DLG2: variants seen among roughly 807,000 people sequenced by gnomAD.
The protein encoded by DLG2 is discs large MAGUK scaffold protein 2.
Under a neutral mutation model 132.5 loss-of-function variants are expected in DLG2, and 45 were observed. The ratio of observed to expected loss-of-function variants is 0.34; its 90% confidence interval spans 0.27 to 0.44. The LOEUF is 0.44. DLG2 is among the 20% of genes least tolerant of loss of function. DLG2 has a pLI of 1.00. For synonymous variants in DLG2, 424 were observed against 419.6 expected, an observed-to-expected ratio of 1.01 and a Z score of -0.13; for missense variants, 1,045 against 1,196.9, an observed-to-expected ratio of 0.87 and a Z score of 1.87.
intron 7 of DLG2, among the ~76,000 whole-genome samples, chr11:84,426,985 A>C (rs1458988692): frequency 6.6e-6 from 1 of 152,186 alleles, no homozygotes; most frequent in Non-Finnish European, 1.5e-5. Flanking sequence ...TCATTATACT[A>C]ACAATTCCAA....
At chr11:84,730,326 A>G (rs987379243) in intron 6 of DLG2, among the ~76,000 whole-genome samples, 9 of 152,096 alleles carry the variant, frequency 5.9e-5, no homozygotes, top group Non-Finnish European at 1.2e-4. Context: ...AGAATTAACT[A>G]AAATGCCACA....
intron 7 of DLG2, among the ~76,000 whole-genome samples, chr11:84,328,837 A>G (rs554283334): frequency 2.0e-5 from 3 of 152,180 alleles, no homozygotes; most frequent in African/African-American, 7.2e-5. Context: ...TAGCCAGTAC[A>G]TTTCCAATTC....
At chr11:85,191,199 C>CAG (rs1555395243) in intron 4 of DLG2, among the ~76,000 whole-genome samples, 2,178 of 151,182 alleles carry the variant, frequency 0.014, 34 homozygotes, top group Admixed American at 0.028. Context: ...CACACACACA[C>CAG]ACACACGTTT....
rs536116495 is a variant in DLG2 at position 84,669,407 on chromosome 11, A to C, written c.358-134676T>G. ...ATGGCAAGCATTGGCTGTGCTCTCC[A>C]AATACCAGACTGTCTATATTTTGTT... On this transcript the variant is annotated intron_variant, in intron 6 of 27. Coordinates refer to ENST00000376104, the MANE Select transcript of DLG2 (RefSeq NM_001142699.3). 2.0e-5 allele frequency among the ~76,000 whole-genome samples: 3 copies of C among 152,310 alleles called. No homozygotes were observed. In the South Asian group the frequency reaches 6.2e-4, roughly 32 times the overall value.
At chr11:85,605,213 T>C (rs184125709) in intron 2 of DLG2, among the ~76,000 whole-genome samples, 38 of 152,314 alleles carry the variant, frequency 2.5e-4, no homozygotes, top group African/African-American at 8.7e-4. Flanking sequence ...CAGAGTGGCT[T>C]GTCCAAGATC....
At chr11:84,731,155 T>C (rs988583432) in intron 6 of DLG2, among the ~76,000 whole-genome samples, 2 of 152,092 alleles carry the variant, frequency 1.3e-5, no homozygotes, top group African/African-American at 2.4e-5. Flanking sequence ...ATGTAATGCA[T>C]TGGAAGATGT....
At chr11:85,240,977 C>T (rs1433715096) in intron 4 of DLG2, among the ~76,000 whole-genome samples, 1 of 151,496 alleles carries the variant, frequency 6.6e-6, no homozygotes. Context: ...TTATTAATGT[C>T]ATTTTAAATA....
intron 3 of DLG2, among the ~76,000 whole-genome samples, chr11:85,487,496 A>G (rs1238871743): frequency 6.6e-6 from 1 of 151,804 alleles, no homozygotes; most frequent in African/African-American, 2.4e-5. Context: ...AACCAAATAG[A>G]ACTTATGGAA....
chr11:84,920,477 C>T (rs1376529961), intron 6 of DLG2, among the ~76,000 whole-genome samples: 2 of 152,138 alleles, frequency 1.3e-5, no homozygotes, highest in Admixed American at 1.3e-4. Context: ...GTTTCTTTCT[C>T]CTACAACAAA....
intron 14 of DLG2, among the ~76,000 whole-genome samples, chr11:83,957,967 T>C (rs1219030013): frequency 6.6e-6 from 1 of 152,230 alleles, no homozygotes; most frequent in African/African-American, 2.4e-5. Flanking sequence ...CACATTATCC[T>C]ATTTTACTTC....
chr11:84,137,577 TG>T (rs1478707200), intron 9 of DLG2, among the ~76,000 whole-genome samples: 1 of 152,190 alleles, frequency 6.6e-6, no homozygotes, highest in Non-Finnish European at 1.5e-5. Flanking sequence ...TATCAACAGA[TG>T]TTTTATTATT....
intron 3 of DLG2, among the ~76,000 whole-genome samples, chr11:85,289,270 AC>A (rs1186391600): frequency 6.6e-6 from 1 of 152,022 alleles, no homozygotes; most frequent in East Asian, 1.9e-4. Context: ...TCTCTTTTGC[AC>A]CCTCTTTCCT....
At chr11:85,148,382 C>A (rs116875887) in intron 5 of DLG2, among the ~76,000 whole-genome samples, 1,761 of 152,200 alleles carry the variant, frequency 0.012, 18 homozygotes, top group Admixed American at 0.018. Flanking sequence ...AGTGTGAAAG[C>A]ATTCCTGTTT....
chr11:85,395,928 G>A (rs999444559), intron 3 of DLG2, among the ~76,000 whole-genome samples: 1 of 152,140 alleles, frequency 6.6e-6, no homozygotes, highest in African/African-American at 2.4e-5. Context: ...CTCAGCATGG[G>A]GTTTGAGCTC....
chr11:84,703,785 C>T (rs1212864264), intron 6 of DLG2, among the ~76,000 whole-genome samples: 1 of 147,128 alleles, frequency 6.8e-6, no homozygotes, highest in Admixed American at 6.8e-5. Flanking sequence ...CTAGAAATGT[C>T]CATAAGAGCT....
chr11:85,532,013 C>T (rs1465724675), intron 3 of DLG2, among the ~76,000 whole-genome samples: 1 of 151,852 alleles, frequency 6.6e-6, no homozygotes, highest in East Asian at 1.9e-4. Flanking sequence ...AATTTTATAC[C>T]CATTATTATC....
At chr11:83,681,714 T>C (rs965728530) in intron 18 of DLG2, 1 of 152,204 alleles carries the variant, frequency 6.6e-6, no homozygotes, top group African/African-American at 2.4e-5. Flanking sequence ...AATCTTGCCT[T>C]GCACAGGTTC....
intron 18 of DLG2, among the ~76,000 whole-genome samples, chr11:83,706,395 G>T (rs573341988): frequency 2.6e-5 from 4 of 151,992 alleles, no homozygotes; most frequent in African/African-American, 9.7e-5. Context: ...TTAAGGCAGC[G>T]GCTGAATGAC....
chr11:85,336,806 C>T (rs1220153799), intron 3 of DLG2, among the ~76,000 whole-genome samples: 1 of 152,178 alleles, frequency 6.6e-6, no homozygotes, highest in African/African-American at 2.4e-5. Context: ...ACCACTTTCA[C>T]TTCATTAGTA....
Sources: allele counts gnomAD v4.1 joint callset (sites outside exome capture counted in the v4.1 genomes callset), GRCh38; gene constraint gnomAD v4.1.1; transcripts MANE v1.5; gene names NCBI Gene and HGNC (gene_info 2026-07-23, HGNC 2026-07-21).